Variants in RARB observed in about 807,000 individuals in gnomAD.
RARB encodes the protein HBV-activated protein.
A neutral mutation model predicts 51.9 loss-of-function variants in RARB; 17 were observed. That is an observed-to-expected ratio of 0.33 (90% CI 0.22 to 0.49). The LOEUF (loss-of-function observed/expected upper bound fraction) is 0.49. RARB is among the 20% of genes least tolerant of loss of function. RARB has a pLI of 0.99. For missense variants in RARB, 369 were observed against 550.8 expected (o/e 0.67, Z 3.30); for synonymous variants, 215 against 195.4 (o/e 1.10, Z -0.84).
In RARB at chr3:25,501,164, C is replaced by CTTCT; in HGVS notation, c.307-16_307-13dup. ...CATTTGCTTTACTGAGTTTTTTCAT[C>CTTCT]TTCTTGCTTGCTTGCAGGGCTTTTT... On this transcript the variant is annotated splice_polypyrimidine_tract_variant and intron_variant, in intron 2 of 7. Coordinates refer to ENST00000330688, the MANE Select transcript of RARB (RefSeq NM_000965.5). 1 of 1,556,572 alleles carries CTTCT rather than the reference C, an allele frequency of 6.4e-7. No homozygotes were observed. The highest frequency in any genetic ancestry group is 8.6e-7 in the Non-Finnish European group (1 of 1,158,186).
At chr3:24,989,240 G>C (rs1696860806) in intron 2 of RARB, among the ~76,000 whole-genome samples, 1 of 152,182 alleles carries the variant, frequency 6.6e-6, no homozygotes, top group South Asian at 2.1e-4. Flanking sequence ...GCAGGAATGC[G>C]AGCCCATCAG....
intron 5 of RARB, among the ~76,000 whole-genome samples, chr3:25,275,338 G>A (rs1460323902): frequency 1.3e-5 from 2 of 152,198 alleles, no homozygotes; most frequent in African/African-American, 4.8e-5. Context: ...GTGTGTGCCT[G>A]TAGTCCCAGC....
At chr3:25,299,327 A>T (rs1258703955) in intron 5 of RARB, among the ~76,000 whole-genome samples, 2 of 152,044 alleles carry the variant, frequency 1.3e-5, no homozygotes, top group Non-Finnish European at 2.9e-5. Context: ...CCTCCCAAGT[A>T]CCTGGGACTA....
At chr3:25,592,663 C>A (rs1347461804) in intron 5 of RARB, among the ~76,000 whole-genome samples, 1 of 152,196 alleles carries the variant, frequency 6.6e-6, no homozygotes, top group Non-Finnish European at 1.5e-5. Flanking sequence ...CCCCAGGGGG[C>A]CAACAGGGTT....
intron 5 of RARB, among the ~76,000 whole-genome samples, chr3:25,249,731 G>T (rs1384142371): frequency 2.9e-5 from 4 of 136,906 alleles, no homozygotes; most frequent in Non-Finnish European, 4.6e-5. Context: ...TAGTGTCTGT[G>T]ATTTCCTTTC....
chr3:25,228,300 T>C (rs1702103401), intron 5 of RARB, among the ~76,000 whole-genome samples: 1 of 151,528 alleles, frequency 6.6e-6, no homozygotes, highest in East Asian at 1.9e-4. Context: ...CCATATCTTG[T>C]ATTACTTTCA....
At chr3:25,574,187 T>A (rs114078505) in intron 4 of RARB, among the ~76,000 whole-genome samples, 1 of 152,216 alleles carries the variant, frequency 6.6e-6, no homozygotes, top group Admixed American at 6.5e-5. Context: ...TGAACCCTAG[T>A]GAGTATCATT....
chr3:25,109,746 A>G (rs1336268325), intron 3 of RARB, among the ~76,000 whole-genome samples: 2 of 152,130 alleles, frequency 1.3e-5, no homozygotes. Flanking sequence ...GCGTTACGTC[A>G]GCCATGCTTC....
intron 2 of RARB, among the ~76,000 whole-genome samples, chr3:24,908,380 A>G (rs1207125356): frequency 6.6e-6 from 1 of 152,226 alleles, no homozygotes; most frequent in African/African-American, 2.4e-5. Context: ...AGAAGAGATT[A>G]CAGTCACCAT....
At chr3:25,436,613 A>T (rs1352500234) in intron 1 of RARB, among the ~76,000 whole-genome samples, 1 of 152,184 alleles carries the variant, frequency 6.6e-6, no homozygotes, top group African/African-American at 2.4e-5. Flanking sequence ...AAGTTGGGGG[A>T]TGCAGATGAA....
intron 3 of RARB, among the ~76,000 whole-genome samples, chr3:25,086,447 TA>T (rs1699107293): frequency 6.6e-6 from 1 of 152,184 alleles, no homozygotes; most frequent in Non-Finnish European, 1.5e-5. Context: ...AAAAATTTTT[TA>T]ACTTATGAAG....
At chr3:25,469,859 G>T (rs988620504) in intron 2 of RARB, among the ~76,000 whole-genome samples, 1 of 152,178 alleles carries the variant, frequency 6.6e-6, no homozygotes, top group African/African-American at 2.4e-5. Flanking sequence ...GTGGTAAAAG[G>T]ATTTAAATTC....
At chr3:24,888,285 G>A (rs1183759070) in intron 2 of RARB, among the ~76,000 whole-genome samples, 1 of 152,118 alleles carries the variant, frequency 6.6e-6, no homozygotes, top group African/African-American at 2.4e-5. Flanking sequence ...CTAAGCAAAT[G>A]TTTTATATAT....
chr3:25,018,292 A>C (rs1312046144), intron 2 of RARB, among the ~76,000 whole-genome samples: 1 of 152,180 alleles, frequency 6.6e-6, no homozygotes, highest in East Asian at 1.9e-4. Context: ...ATAGGCAGGT[A>C]GATGTATTGT....
At chr3:25,031,782 G>A (rs921926062) in intron 2 of RARB, among the ~76,000 whole-genome samples, 1 of 152,154 alleles carries the variant, frequency 6.6e-6, no homozygotes, top group Non-Finnish European at 1.5e-5. Context: ...AAAAAGGGCA[G>A]TTGCAAATAA....
At chr3:25,342,062 G>A (rs562678805) in intron 5 of RARB, among the ~76,000 whole-genome samples, 1 of 152,130 alleles carries the variant, frequency 6.6e-6, no homozygotes, top group African/African-American at 2.4e-5. Context: ...ACACATAGTA[G>A]ATCCTCAATA....
intron 2 of RARB, among the ~76,000 whole-genome samples, chr3:24,915,237 A>G (rs1405431734): frequency 2.6e-5 from 4 of 152,240 alleles, no homozygotes; most frequent in African/African-American, 4.8e-5. Flanking sequence ...CAGAAATGTG[A>G]TATAAGTCAA....
intron 2 of RARB, among the ~76,000 whole-genome samples, chr3:25,498,749 A>G (rs906208635): frequency 6.6e-6 from 1 of 151,952 alleles, no homozygotes; most frequent in African/African-American, 2.4e-5. Flanking sequence ...TCCATACCTC[A>G]TTTTCTTCCC....
At chr3:25,563,856 T>A (rs1700370572) in intron 3 of RARB, among the ~76,000 whole-genome samples, 1 of 152,140 alleles carries the variant, frequency 6.6e-6, no homozygotes, top group Non-Finnish European at 1.5e-5. Flanking sequence ...AGACTTTAAT[T>A]TTCAAGCAAG....
Sources: allele counts gnomAD v4.1 joint callset (sites outside exome capture counted in the v4.1 genomes callset), GRCh38; gene constraint gnomAD v4.1.1; transcripts MANE v1.5; gene names NCBI Gene and HGNC (gene_info 2026-07-23, HGNC 2026-07-21).